Variants in MALRD1 observed in about 807,000 individuals in gnomAD.
The protein encoded by MALRD1 is MAM and LDL receptor class A domain containing 1, also known as MAM and LDL-receptor class A domain-containing protein 1.
A neutral mutation model predicts 242.1 loss-of-function variants in MALRD1; 247 were observed. The observed-to-expected ratio is 1.02, with a 90% confidence interval of 0.92 to 1.13. MALRD1 has a LOEUF of 1.13. MALRD1 is among the 50% of genes most tolerant of loss of function. MALRD1 has a pLI of 0.00. For missense variants in MALRD1, 2,989 were observed against 2,533.1 expected, an observed-to-expected ratio of 1.18 and a Z score of -3.86; for synonymous variants, 995 against 866.6, an observed-to-expected ratio of 1.15 and a Z score of -2.60.
intron 18 of MALRD1, among the ~76,000 whole-genome samples, chr10:19,241,697 A>G (rs759859415): frequency 4.5e-4 from 68 of 152,044 alleles, no homozygotes; most frequent in Non-Finnish European, 6.9e-4. Flanking sequence ...TTATTGCTAT[A>G]AATTTCCCTC....
intron 18 of MALRD1, among the ~76,000 whole-genome samples, chr10:19,237,889 A>AT (rs1213116649): frequency 0.2 from 6,658 of 33,522 alleles, 149 homozygotes; most frequent in Middle Eastern, 0.25. Flanking sequence ...ATAGTTATAT[A>AT]CATTATAAAT....
intron 28 of MALRD1, among the ~76,000 whole-genome samples, chr10:19,394,387 CAT>C (rs1846484927): frequency 6.6e-6 from 1 of 152,128 alleles, no homozygotes; most frequent in Non-Finnish European, 1.5e-5. Context: ...GGCTCTTCTA[CAT>C]GTCTTCCTAG....
At chr10:19,718,810 T>C (rs956674474) in intron 38 of MALRD1, among the ~76,000 whole-genome samples, 2 of 152,032 alleles carry the variant, frequency 1.3e-5, no homozygotes, top group African/African-American at 2.4e-5. Context: ...TTTTTGTCTT[T>C]CTCTCTAATT....
intron 32 of MALRD1, among the ~76,000 whole-genome samples, chr10:19,545,350 G>GT (rs1564429504): frequency 2.0e-5 from 3 of 152,138 alleles, no homozygotes; most frequent in Admixed American, 6.6e-5. Context: ...TCCTGTAACA[G>GT]TATGTTTTGC....
intron 29 of MALRD1, 23 bp downstream of exon 29, chr10:19,450,513 C>T (rs1375888447): frequency 3.3e-6 from 5 of 1,526,772 alleles, no homozygotes; most frequent in Non-Finnish European, 4.4e-6. Flanking sequence ...AAAGCACTTC[C>T]ATTTGGAAGC....
chr10:19,627,423 A>G (rs1228175810), intron 36 of MALRD1, among the ~76,000 whole-genome samples: 1 of 151,946 alleles, frequency 6.6e-6, no homozygotes, highest in Non-Finnish European at 1.5e-5. Flanking sequence ...AAAACAACAA[A>G]CAAACAAAAA....
intron 32 of MALRD1, among the ~76,000 whole-genome samples, chr10:19,546,238 A>G (rs983912193): frequency 6.6e-6 from 1 of 152,204 alleles, no homozygotes; most frequent in African/African-American, 2.4e-5. Flanking sequence ...TTCCCCTAAC[A>G]GTGAATATGC....
At chr10:19,472,088 A>C (rs892793524) in intron 29 of MALRD1, among the ~76,000 whole-genome samples, 1 of 151,938 alleles carries the variant, frequency 6.6e-6, no homozygotes, top group Non-Finnish European at 1.5e-5. Context: ...TTCTATACCT[A>C]AATTTGTTGA....
At chr10:19,070,192 G>C (rs1835100547) in intron 2 of MALRD1, among the ~76,000 whole-genome samples, 1 of 152,086 alleles carries the variant, frequency 6.6e-6, no homozygotes, top group East Asian at 1.9e-4. Context: ...AATTATAATA[G>C]GATTATGTCT....
intron 21 of MALRD1, among the ~76,000 whole-genome samples, chr10:19,299,196 C>A (rs1841837457): frequency 6.6e-6 from 1 of 151,764 alleles, no homozygotes. Context: ...ATATGTAAAT[C>A]ATATATTGAT....
intron 32 of MALRD1, among the ~76,000 whole-genome samples, chr10:19,565,218 A>G (rs1836199386): frequency 3.3e-5 from 5 of 152,126 alleles, no homozygotes; most frequent in Admixed American, 2.6e-4. Flanking sequence ...AGGGAAAGTC[A>G]TGGTGTGGTT....
At chr10:19,262,428 G>T (rs937042024) in intron 19 of MALRD1, among the ~76,000 whole-genome samples, 10 of 151,880 alleles carry the variant, frequency 6.6e-5, no homozygotes, top group Admixed American at 6.6e-5. Flanking sequence ...AGCTGAGGTG[G>T]GCAGATCACC....
Position 19,118,253 on chromosome 10 carries a change from T to A in MALRD1, c.695-5239T>A, listed in dbSNP as rs1056710340. Among the ~76,000 whole-genome samples, 5 of 152,236 alleles carry A rather than the reference T, an allele frequency of 3.3e-5. No individual in the cohort carries two copies. In the East Asian group the frequency reaches 9.7e-4, roughly 29 times the overall value. On this transcript the variant is annotated intron_variant, in intron 5 of 39. Coordinates refer to ENST00000454679, the MANE Select transcript of MALRD1 (RefSeq NM_001142308.3). ...AAGCTCTGTAAAATATTAAAAGAGA[T>A]TTATTCTGAGCCAAACATGAGTGAT...
chr10:19,516,625 GCTCCTCCTCTTCCTC>G (rs1301034170), intron 31 of MALRD1, among the ~76,000 whole-genome samples: 2 of 150,722 alleles, frequency 1.3e-5, no homozygotes, highest in Admixed American at 6.6e-5. Context: ...TCCTCCTCCT[GCTCCTCCTCTTCCTC>G]CTCCTCCTCT....
intron 13 of MALRD1, among the ~76,000 whole-genome samples, chr10:19,167,155 C>G (rs866583584): frequency 6.6e-6 from 1 of 151,854 alleles, no homozygotes; most frequent in Non-Finnish European, 1.5e-5. Context: ...ATCAGGAGAT[C>G]GAGACCATCC....
At chr10:19,619,856 G>C (rs12255250) in intron 36 of MALRD1, among the ~76,000 whole-genome samples, 16,734 of 151,690 alleles carry the variant, frequency 0.11, 2,413 homozygotes, top group African/African-American at 0.33. Flanking sequence ...GCATTTCATC[G>C]AAATAAAGGC....
At chr10:19,249,088 CAT>C (rs905680389) in intron 18 of MALRD1, among the ~76,000 whole-genome samples, 7 of 149,606 alleles carry the variant, frequency 4.7e-5, no homozygotes, top group African/African-American at 1.7e-4. Flanking sequence ...TGCACATACA[CAT>C]ATATGTGTGT....
chr10:19,520,178 G>T (rs924330797), intron 31 of MALRD1, among the ~76,000 whole-genome samples: 2 of 152,030 alleles, frequency 1.3e-5, no homozygotes, highest in Non-Finnish European at 2.9e-5. Flanking sequence ...GTTGAACTTA[G>T]CATTGAAACT....
chr10:19,060,665 G>A (rs12259176), intron 1 of MALRD1, among the ~76,000 whole-genome samples: 11,584 of 152,166 alleles, frequency 0.076, 1,456 homozygotes, highest in African/African-American at 0.27. Context: ...TGGATAGTCT[G>A]TTTTTCCTTG....
Sources: gnomAD v4.1 joint callset for allele counts (sites outside exome capture counted in the v4.1 genomes callset) on GRCh38, gnomAD v4.1.1 for gene constraint, MANE v1.5 for transcripts, NCBI Gene and HGNC (gene_info 2026-07-23, HGNC 2026-07-21) for gene names.